SFMBT2: variants seen among roughly 807,000 people sequenced by gnomAD.
SFMBT2 encodes the protein Scm like with four mbt domains 2.
In SFMBT2, 38 loss-of-function variants were observed where a neutral mutation model predicts 110.1. That is an observed-to-expected ratio of 0.35 (90% CI 0.27 to 0.45). The LOEUF (loss-of-function observed/expected upper bound fraction) is 0.45, where lower values mean the gene tolerates loss of function less well. Among genes scored for constraint, SFMBT2 ranks in the 20% least tolerant of loss-of-function variants. The probability of loss-of-function intolerance (pLI) is 1.00; values close to 1 mark genes in which losing one functional copy is unlikely to be tolerated. For synonymous variants in SFMBT2, 425 were observed against 425.4 expected (o/e 1.00, Z 0.01); for missense variants, 1,011 against 1,094.9 (o/e 0.92, Z 1.08).
chr10:7,330,193 A>T (rs930960369), intron 4 of SFMBT2, among the ~76,000 whole-genome samples: 18 of 152,194 alleles, frequency 1.2e-4, no homozygotes, highest in African/African-American at 3.4e-4. Context: ...ATTTCTCAAG[A>T]TTCTGTTTCT....
chr10:7,320,052 CAGAG>C (rs1167224005), intron 4 of SFMBT2, among the ~76,000 whole-genome samples: 1 of 143,298 alleles, frequency 7.0e-6, no homozygotes, highest in Non-Finnish European at 1.5e-5. Context: ...CAAAGACAGA[CAGAG>C]ACAGAGAGAG....
chr10:7,392,983 TTA>T (rs760008467), intron 1 of SFMBT2, among the ~76,000 whole-genome samples: 1,628 of 59,684 alleles, frequency 0.027, 14 homozygotes, highest in Non-Finnish European at 0.037. Flanking sequence ...TGTGGATAGA[TTA>T]TATATATATA....
At chr10:7,166,740 C>A (rs1837707500) in intron 20 of SFMBT2, among the ~76,000 whole-genome samples, 1 of 152,000 alleles carries the variant, frequency 6.6e-6, no homozygotes, top group Admixed American at 6.6e-5. Flanking sequence ...ACTTCAGGGA[C>A]CAGTAAGAAT....
intron 13 of SFMBT2, among the ~76,000 whole-genome samples, chr10:7,201,863 C>T (rs912221783): frequency 2.0e-5 from 3 of 152,212 alleles, no homozygotes; most frequent in African/African-American, 2.4e-5. Context: ...CAGAAAATCA[C>T]GACTGAAATG....
chr10:7,375,981 A>G (rs1845196544), intron 2 of SFMBT2, among the ~76,000 whole-genome samples: 1 of 152,106 alleles, frequency 6.6e-6, no homozygotes, highest in Admixed American at 6.6e-5. Flanking sequence ...GTTAATACCA[A>G]ATGCCAAGAA....
At chr10:7,251,910 T>C (rs979770143) in intron 7 of SFMBT2, among the ~76,000 whole-genome samples, 15 of 152,128 alleles carry the variant, frequency 9.9e-5, no homozygotes, top group Non-Finnish European at 2.2e-4. Flanking sequence ...CACCCCGGCT[T>C]TCCTGAGAGT....
chr10:7,289,905 C>T (rs1382454428), intron 4 of SFMBT2, among the ~76,000 whole-genome samples: 2 of 152,200 alleles, frequency 1.3e-5, no homozygotes, highest in Admixed American at 1.3e-4. Context: ...ATTGGCATTG[C>T]TCAGTGTGAC....
chr10:7,409,701 G>C (rs1053616038), intron 1 of SFMBT2, among the ~76,000 whole-genome samples: 7 of 151,460 alleles, frequency 4.6e-5, no homozygotes, highest in African/African-American at 1.7e-4. Context: ...TCGCTAAAGC[G>C]CTTCCTGGGG....
At chr10:7,259,650 G>A (rs1009143486) in intron 7 of SFMBT2, among the ~76,000 whole-genome samples, 12 of 152,250 alleles carry the variant, frequency 7.9e-5, no homozygotes, top group Middle Eastern at 3.2e-3. Flanking sequence ...TCGGTTAAGA[G>A]AGAAGTCAGG....
Position 7,364,253 on chromosome 10 carries a change from T to TCAA in SFMBT2, c.436+3395_436+3396insTTG, listed in dbSNP as rs533914848. 8.3e-4 allele frequency among the ~76,000 whole-genome samples: 127 copies of TCAA among 152,354 alleles called. 1 individual carries two copies. The Middle Eastern group carries it at 0.017, about 20-fold the overall frequency. On this transcript the variant is annotated intron_variant, in intron 4 of 20. Transcript: ENST00000397167. ...TTTTGAGTTCTTTAAAAAATATCAC[T>TCAA]GAAGAATTCCTCAAATTAGCATAAG...
At chr10:7,372,832 G>C (rs535859622) in intron 2 of SFMBT2, among the ~76,000 whole-genome samples, 2 of 152,342 alleles carry the variant, frequency 1.3e-5, no homozygotes, top group Admixed American at 1.3e-4. Context: ...ACAAAGTCCA[G>C]AGCTTCTTTC....
Position 7,367,770 on chromosome 10 carries a change from A to G in SFMBT2, c.315T>C (p.Leu105=). The part of the protein sequence containing the change: ...TIITTCGQLL[L]LRYCGYGEDR... ...CCTCCCCGTAACCGCAGTAGCGCAG[A>G]AGCAGCAGCTGCCCGCACGTGGTAA... Residue 105 remains leucine (L), a synonymous_variant, in exon 4 of 21, where the codon CTT becomes CTC. Transcript: ENST00000397167. The surrounding 1 kb of genome is among the most constrained non-coding windows in gnomAD (Gnocchi z 6.2). 1 of 1,614,168 alleles carries G rather than the reference A, an allele frequency of 6.2e-7. No homozygotes were observed. Among genetic ancestry groups the G allele is most frequent in the Non-Finnish European group, 8.5e-7 (1 of 1,180,028 alleles).
chr10:7,257,012 A>C (rs1316469244), intron 7 of SFMBT2, among the ~76,000 whole-genome samples: 1 of 149,372 alleles, frequency 6.7e-6, no homozygotes, highest in Non-Finnish European at 1.5e-5. Context: ...GAATGGCTTG[A>C]ACTCCGGAGG....
intron 11 of SFMBT2, among the ~76,000 whole-genome samples, chr10:7,208,545 G>A (rs1181803774): frequency 6.6e-6 from 1 of 152,032 alleles, no homozygotes; most frequent in African/African-American, 2.4e-5. Context: ...AATTAGCTGG[G>A]CATGGTGGAG....
chr10:7,285,342 C>T (rs1842054907), intron 5 of SFMBT2: 1 of 152,268 alleles, frequency 6.6e-6, no homozygotes, highest in African/African-American at 2.4e-5. Flanking sequence ...CTTGGCTACA[C>T]TGAAATACGA....
chr10:7,374,564 G>C lies in SFMBT2; in HGVS notation c.101-4189C>G, dbSNP rs772931639. On this transcript the variant is annotated intron_variant, in intron 2 of 20. Coordinates refer to ENST00000397167, the MANE Select transcript of SFMBT2 (RefSeq NM_001387889.1). ...TACAACTACATTTCCCAATATACAG[G>C]GTTCTACAGACTTCAGTGCACATGG... is the stretch of plus-strand genomic sequence containing the variant. Among the ~76,000 whole-genome samples, 15 of 152,106 alleles carry C rather than the reference G, an allele frequency of 9.9e-5. No homozygotes were observed. In the South Asian group the frequency reaches 1.5e-3, roughly 15 times the overall value.
At chr10:7,255,922 A>G (rs1300392373) in intron 7 of SFMBT2, among the ~76,000 whole-genome samples, 1 of 152,238 alleles carries the variant, frequency 6.6e-6, no homozygotes, top group Admixed American at 6.5e-5. Flanking sequence ...CAGATGCTCA[A>G]CAGACAAATG....
intron 11 of SFMBT2, among the ~76,000 whole-genome samples, chr10:7,217,177 G>A (rs1839570146): frequency 1.3e-5 from 2 of 152,184 alleles, no homozygotes; most frequent in African/African-American, 4.8e-5. Context: ...GGGCTGAGGA[G>A]GGAAGGGAGA....
At chr10:7,287,421 C>T (rs1043008973) in intron 4 of SFMBT2, 6 of 244,056 alleles carry the variant, frequency 2.5e-5, no homozygotes, top group Non-Finnish European at 3.3e-5. Flanking sequence ...TGGAGGGCAA[C>T]ATTCTACAAG....
Sources: allele counts gnomAD v4.1 joint callset (sites outside exome capture counted in the v4.1 genomes callset), GRCh38; gene constraint gnomAD v4.1.1; non-coding constraint Gnocchi (gnomAD v3.1); transcripts MANE v1.5; gene names NCBI Gene and HGNC (gene_info 2026-07-23, HGNC 2026-07-21).